RPTOR: variants seen among roughly 807,000 people sequenced by gnomAD.
The protein encoded by RPTOR is regulatory associated protein of MTOR complex 1, also known as regulatory-associated protein of mTOR.
RPTOR carries 21 observed loss-of-function variants against 169.9 expected under a neutral mutation model. That is an observed-to-expected ratio of 0.12 (90% CI 0.09 to 0.18). RPTOR has a LOEUF of 0.18. Among genes scored for constraint, RPTOR ranks in the 10% least tolerant of loss-of-function variants. The pLI, the probability that RPTOR is intolerant of heterozygous loss-of-function variation, is 1.00. For synonymous variants in RPTOR, 732 were observed against 753.2 expected, an observed-to-expected ratio of 0.97 and a Z score of 0.46; for missense variants, 1,133 against 1,855.9, an observed-to-expected ratio of 0.61 and a Z score of 7.16.
In RPTOR at chr17:80,708,131, GC is replaced by G. The variant is rs1336415342; in HGVS notation, c.507+134del. Reference sequence around the variant, plus strand: ...TTACTGTGTTTCAACAAACCCAAATGCCATAACTGAACGGACCAGGTAGTCA... The same window carrying G: ...TTACTGTGTTTCAACAAACCCAAATGCATAACTGAACGGACCAGGTAGTCA... On this transcript the variant is annotated intron_variant, in intron 4 of 33. Transcript: ENST00000306801. The surrounding 1 kb of genome is among the most constrained non-coding windows in gnomAD (Gnocchi z 4.2). 2 of 891,260 alleles carry G rather than the reference GC, an allele frequency of 2.2e-6. No individual in the cohort carries two copies. The highest frequency in any genetic ancestry group is 3.3e-6 in the Non-Finnish European group (2 of 598,002). The allele number at this position is 891,260 out of a possible 1,614,324, so 55.2% of individuals were successfully genotyped here. A position where few individuals can be genotyped will look rare whatever the true frequency, so the allele number is the denominator to read the frequency against.
At chr17:80,567,903 A>C (rs1015804344) in intron 1 of RPTOR, among the ~76,000 whole-genome samples, 3 of 151,492 alleles carry the variant, frequency 2.0e-5, no homozygotes, top group African/African-American at 4.8e-5. Context: ...ATTTCTATTT[A>C]TTTTTTCTTT....
At chr17:80,706,990 G>T (rs1480183606) in intron 3 of RPTOR, among the ~76,000 whole-genome samples, 1 of 152,156 alleles carries the variant, frequency 6.6e-6, no homozygotes, top group Non-Finnish European at 1.5e-5. Context: ...TCGAGATGGG[G>T]TTTTCTTTGC....
chr17:80,898,387 C>A (rs943074158), intron 20 of RPTOR, among the ~76,000 whole-genome samples: 15 of 152,114 alleles, frequency 9.9e-5, no homozygotes, highest in African/African-American at 2.9e-4. Context: ...CCTGATTAAT[C>A]CTCTAAGATG....
intron 13 of RPTOR, among the ~76,000 whole-genome samples, chr17:80,863,514 G>A (rs548542558): frequency 2.6e-5 from 4 of 152,256 alleles, no homozygotes; most frequent in Admixed American, 6.5e-5. Flanking sequence ...ATTGAGACAC[G>A]GAGAATATAA....
At chr17:80,733,903 T>A (rs2066413244) in intron 5 of RPTOR, among the ~76,000 whole-genome samples, 1 of 152,232 alleles carries the variant, frequency 6.6e-6, no homozygotes, top group Non-Finnish European at 1.5e-5. Context: ...CAGTAATAGC[T>A]CATTTCTTCC....
rs558161769 is a variant in RPTOR at position 80,599,812 on chromosome 17, G to A, written c.163-25879G>A. Reference sequence around the variant, plus strand: ...AAGGGGCCCCTTGTTAGGTGGTGGTGGGAAGCCTGGTGTCATTGTTGCTGT... The same window carrying A: ...AAGGGGCCCCTTGTTAGGTGGTGGTAGGAAGCCTGGTGTCATTGTTGCTGT... On this transcript the variant is annotated intron_variant, in intron 1 of 33. Transcript: ENST00000306801. 2.6e-5 allele frequency among the ~76,000 whole-genome samples: 4 copies of A among 152,268 alleles called. No individual in the cohort carries two copies. In the East Asian group the frequency reaches 7.7e-4, roughly 29 times the overall value.
At chr17:80,807,968 C>T (rs1598319902) in intron 7 of RPTOR, among the ~76,000 whole-genome samples, 1 of 152,094 alleles carries the variant, frequency 6.6e-6, no homozygotes, top group South Asian at 2.1e-4. Context: ...GTTTTGGTGA[C>T]CTGCTTTAGA....
chr17:80,943,744 G>A (rs1359959634), intron 25 of RPTOR, among the ~76,000 whole-genome samples: 1 of 151,230 alleles, frequency 6.6e-6, no homozygotes, highest in Admixed American at 6.6e-5. Context: ...GTTAGTAAGA[G>A]CCAGTCAGGT....
At chr17:80,596,211 C>T (rs2065143614) in intron 1 of RPTOR, among the ~76,000 whole-genome samples, 1 of 152,214 alleles carries the variant, frequency 6.6e-6, no homozygotes, top group Non-Finnish European at 1.5e-5. Flanking sequence ...CTCATGCTCA[C>T]ATTTTCCTGG....
At chr17:80,732,176 A>AT (rs143132953) in intron 5 of RPTOR, among the ~76,000 whole-genome samples, 8,787 of 152,196 alleles carry the variant, frequency 0.058, 856 homozygotes, top group African/African-American at 0.2. Flanking sequence ...AAAAAAGGTG[A>AT]TTTTTTTACA....
chr17:80,826,224 C>G lies in RPTOR; in HGVS notation c.1136+3001C>G, dbSNP rs544101701. On this transcript the variant is annotated intron_variant, in intron 9 of 33. Coordinates refer to ENST00000306801, the MANE Select transcript of RPTOR (RefSeq NM_020761.3). The stretch of plus-strand genomic sequence containing the variant: ...ACAGTGTCTTGCTGTAAGAGAAAAT[C>G]TCACCTGCCTTACCTGGGGCTGCTG... 5.1e-4 allele frequency among the ~76,000 whole-genome samples: 77 copies of G among 152,336 alleles called. 1 individual carries two copies. The South Asian group carries it at 0.015, about 29-fold the overall frequency.
At chr17:80,761,956 CGT>C (rs2066740743) in intron 6 of RPTOR, among the ~76,000 whole-genome samples, 1 of 152,134 alleles carries the variant, frequency 6.6e-6, no homozygotes, top group Admixed American at 6.6e-5. Context: ...TTGGAATTTG[CGT>C]CTGGAGAAAC....
In RPTOR at chr17:80,583,221, C is replaced by T. The variant is rs536663383; in HGVS notation, c.162+37430C>T. The stretch of plus-strand genomic sequence containing the variant: ...TTTTTTTTTTTGAGACAGAGTCTTG[C>T]TCTGTTGCCCAGGCTGGAGTGCAGT... On this transcript the variant is annotated intron_variant, in intron 1 of 33. Transcript: ENST00000306801. Among the ~76,000 whole-genome samples the T allele has an allele frequency of 2.3e-3, 239 of 102,974 alleles. 2 individuals are homozygous for T. Among genetic ancestry groups the T allele is most frequent in the African/African-American group, 8.7e-3 (230 of 26,384 alleles). 67.6% of individuals were successfully genotyped at this position (102,974 alleles called of 152,430 possible).
chr17:80,926,530 C>A (rs556269793), intron 24 of RPTOR, among the ~76,000 whole-genome samples: 1 of 152,092 alleles, frequency 6.6e-6, no homozygotes, highest in Non-Finnish European at 1.5e-5. Flanking sequence ...TTTCTAAGAA[C>A]GAAAATTGAG....
chr17:80,900,568 A>G (rs7208148), intron 20 of RPTOR, among the ~76,000 whole-genome samples: 109,839 of 151,674 alleles, frequency 0.72, 40,183 homozygotes, highest in Admixed American at 0.78. Context: ...TGCGCGCCTC[A>G]GCCTCCCAAA....
At position 80,841,907 on chromosome 17, in the gene RPTOR, T is replaced by A. The variant is rs1360768609; in HGVS notation, c.1212+3910T>A. 2.2e-4 allele frequency among the ~76,000 whole-genome samples: 20 copies of A among 92,468 alleles called. 1 individual carries two copies. The East Asian group carries it at 4.8e-3, about 22-fold the overall frequency. The allele number at this position is 92,468 out of a possible 152,430, so 60.7% of individuals were successfully genotyped here. On this transcript the variant is annotated intron_variant, in intron 10 of 33. Transcript: ENST00000306801. The stretch of plus-strand genomic sequence containing the variant: ...TCACTCTTACCGCACGGCAGCTCAC[T>A]CTCACCGCACGGCAGCTCACACTCA...
chr17:80,665,169 T>A (rs1051222953), intron 3 of RPTOR, among the ~76,000 whole-genome samples: 8 of 152,122 alleles, frequency 5.3e-5, no homozygotes, highest in African/African-American at 1.9e-4. Context: ...TTTACTGGGC[T>A]TCCTCTCCAT....
intron 3 of RPTOR, among the ~76,000 whole-genome samples, chr17:80,674,313 C>T (rs1197544169): frequency 3.3e-5 from 5 of 152,040 alleles, no homozygotes; most frequent in Non-Finnish European, 7.4e-5. Flanking sequence ...ACATGAAAAC[C>T]CTTTGTACAT....
At chr17:80,933,999 C>T (rs764417882) in intron 24 of RPTOR, among the ~76,000 whole-genome samples, 6 of 151,698 alleles carry the variant, frequency 4.0e-5, no homozygotes, top group Non-Finnish European at 8.8e-5. Flanking sequence ...TGGGGTTCAG[C>T]GGTGCAATAC....
Sources: allele counts gnomAD v4.1 joint callset (sites outside exome capture counted in the v4.1 genomes callset), GRCh38; gene constraint gnomAD v4.1.1; non-coding constraint Gnocchi (gnomAD v3.1); transcripts MANE v1.5; gene names NCBI Gene and HGNC (gene_info 2026-07-23, HGNC 2026-07-21).